CTNND2: variants seen among roughly 807,000 people sequenced by gnomAD.
CTNND2 encodes catenin delta 2.
A neutral mutation model predicts 144.4 loss-of-function variants in CTNND2; 22 were observed. That is an observed-to-expected ratio of 0.15 (90% CI 0.11 to 0.22). The LOEUF (loss-of-function observed/expected upper bound fraction) is 0.22, where lower values mean the gene tolerates loss of function less well. Ranked by LOEUF, CTNND2 falls within the 10% of genes least tolerant of loss-of-function variation. CTNND2 has a pLI of 1.00. For missense variants in CTNND2, 1,353 were observed against 1,618.8 expected, an observed-to-expected ratio of 0.84 and a Z score of 2.82; for synonymous variants, 751 against 695.6, an observed-to-expected ratio of 1.08 and a Z score of -1.25.
At chr5:11,773,706 G>C (rs1006206312) in intron 1 of CTNND2, among the ~76,000 whole-genome samples, 11 of 151,984 alleles carry the variant, frequency 7.2e-5, no homozygotes, top group African/African-American at 2.4e-4. Flanking sequence ...GCTACTTTGG[G>C]TGGCTGAGGC....
intron 3 of CTNND2, among the ~76,000 whole-genome samples, chr5:11,543,914 T>C (rs2561621): frequency 0.69 from 104,858 of 151,998 alleles, 36,392 homozygotes; most frequent in Middle Eastern, 0.8. Context: ...CCTTAAACTC[T>C]GACCTCATGT....
chr5:11,456,283 C>G (rs1561421245), intron 3 of CTNND2, among the ~76,000 whole-genome samples: 1 of 149,632 alleles, frequency 6.7e-6, no homozygotes, highest in South Asian at 2.1e-4. Context: ...GTTTTACCCA[C>G]ATATAATTTT....
intron 3 of CTNND2, among the ~76,000 whole-genome samples, chr5:11,479,157 C>T (rs1005956498): frequency 1.3e-5 from 2 of 152,168 alleles, no homozygotes; most frequent in African/African-American, 2.4e-5. Flanking sequence ...CAACCCTTCA[C>T]CCTCAGGAAT....
At chr5:11,887,114 G>A (rs1736605191) in intron 1 of CTNND2, among the ~76,000 whole-genome samples, 1 of 151,192 alleles carries the variant, frequency 6.6e-6, no homozygotes, top group Non-Finnish European at 1.5e-5. Context: ...CTCCCCGGCA[G>A]CTGGGACTAC....
intron 3 of CTNND2, among the ~76,000 whole-genome samples, chr5:11,491,288 T>C: frequency 6.6e-6 from 1 of 152,194 alleles, no homozygotes; most frequent in South Asian, 2.1e-4. Context: ...GGGTTTTGGA[T>C]GTTTACTGGG....
rs2149665967 is a variant in CTNND2, at chr5:11,098,556, T to C, written c.2637+19A>G. The C allele has an allele frequency of 6.3e-7, 1 of 1,590,998 alleles. No homozygotes were observed. The highest frequency in any genetic ancestry group is 1.1e-5 in the South Asian group (1 of 86,968). On this transcript the variant is annotated intron_variant, in intron 15 of 21. Coordinates refer to ENST00000304623, the MANE Select transcript of CTNND2 (RefSeq NM_001332.4). ...CTCATAACTCCAGATTTCTTTTTAT[T>C]GTAATGAACTGGCCATACCTTCCAG...
rs148509262 is a variant in CTNND2, at chr5:11,268,541, G to A, written c.1629-31718C>T. 1.4e-4 allele frequency among the ~76,000 whole-genome samples: 22 copies of A among 152,288 alleles called. 1 individual carries two copies. Among genetic ancestry groups the A allele is most frequent in the Admixed American group, 5.9e-4 (9 of 15,300 alleles). The stretch of plus-strand genomic sequence containing the variant: ...ACCTGAGAGGTGGAGGTTGCAGTGA[G>A]CCAAGATCATGCCACTGCACTCCAG... On this transcript the variant is annotated intron_variant, in intron 9 of 21. Coordinates refer to ENST00000304623, the MANE Select transcript of CTNND2 (RefSeq NM_001332.4).
intron 10 of CTNND2, among the ~76,000 whole-genome samples, chr5:11,221,223 G>A (rs185331213): frequency 2.8e-4 from 43 of 152,326 alleles, no homozygotes; most frequent in African/African-American, 8.9e-4. Context: ...TCCAATCAGC[G>A]TCTGATACGA....
At chr5:11,179,690 T>C (rs982095246) in intron 11 of CTNND2, among the ~76,000 whole-genome samples, 1 of 152,208 alleles carries the variant, frequency 6.6e-6, no homozygotes, top group East Asian at 1.9e-4. Context: ...TGAGGACCTA[T>C]TGACACCTCA....
intron 9 of CTNND2, among the ~76,000 whole-genome samples, chr5:11,263,297 C>G (rs931379850): frequency 6.6e-6 from 1 of 152,046 alleles, no homozygotes; most frequent in African/African-American, 2.4e-5. Flanking sequence ...TGAAATGCAT[C>G]TCAGTATTTA....
intron 12 of CTNND2, among the ~76,000 whole-genome samples, chr5:11,121,656 CCT>C (rs1335096211): frequency 6.6e-6 from 1 of 152,070 alleles, no homozygotes; most frequent in African/African-American, 2.4e-5. Flanking sequence ...CTTCCTTTCC[CCT>C]GTCTTCTGTG....
intron 1 of CTNND2, among the ~76,000 whole-genome samples, chr5:11,779,839 C>T (rs1231105038): frequency 1.3e-5 from 2 of 152,172 alleles, no homozygotes; most frequent in Admixed American, 6.5e-5. Flanking sequence ...ATTTAGCAAA[C>T]AGGACTTGAT....
chr5:11,566,690 A>G (rs944184906), intron 2 of CTNND2, among the ~76,000 whole-genome samples: 1 of 152,210 alleles, frequency 6.6e-6, no homozygotes, highest in South Asian at 2.1e-4. Flanking sequence ...GAAACAGTGC[A>G]GTATTTGGAG....
chr5:11,565,253 C>T (rs1055672088), intron 2 of CTNND2, among the ~76,000 whole-genome samples, 197 bp from the exon 3 acceptor site: 1 of 152,292 alleles, frequency 6.6e-6, no homozygotes, highest in East Asian at 1.9e-4. Context: ...TAAGTTAATT[C>T]ATGTAAGTAT....
At chr5:11,522,594 A>C (rs961019894) in intron 3 of CTNND2, among the ~76,000 whole-genome samples, 2 of 152,172 alleles carry the variant, frequency 1.3e-5, no homozygotes, top group Admixed American at 6.5e-5. Context: ...ATACCCACGC[A>C]ACTCCTTCTC....
At chr5:11,882,699 G>A (rs1307967404) in intron 1 of CTNND2, among the ~76,000 whole-genome samples, 1 of 152,020 alleles carries the variant, frequency 6.6e-6, no homozygotes, top group African/African-American at 2.4e-5. Flanking sequence ...CTACAGTACT[G>A]GTTACTATAG....
chr5:11,080,361 C>T (rs12515920), intron 16 of CTNND2, among the ~76,000 whole-genome samples: 28,506 of 152,036 alleles, frequency 0.19, 3,235 homozygotes, highest in Middle Eastern at 0.29. Context: ...ACTTTATTAG[C>T]GGGAATGTAT....
intron 1 of CTNND2, among the ~76,000 whole-genome samples, chr5:11,800,952 A>G (rs977752428): frequency 4.6e-5 from 7 of 152,208 alleles, no homozygotes; most frequent in African/African-American, 1.4e-4. Flanking sequence ...TCTAATGAGA[A>G]GGTACATACA....
intron 1 of CTNND2, among the ~76,000 whole-genome samples, chr5:11,774,160 A>G (rs1156519477): frequency 1.3e-5 from 2 of 152,104 alleles, no homozygotes; most frequent in African/African-American, 4.8e-5. Context: ...AGAAAAACTC[A>G]TTGAGATATA....
Sources: allele counts gnomAD v4.1 joint callset (sites outside exome capture counted in the v4.1 genomes callset), GRCh38; gene constraint gnomAD v4.1.1; transcripts MANE v1.5; gene names NCBI Gene and HGNC (gene_info 2026-07-23, HGNC 2026-07-21).